EP400: variants seen among roughly 807,000 people sequenced by gnomAD.
The protein encoded by EP400 is E1A binding protein p400, also known as E1A-binding protein p400.
A neutral mutation model predicts 354.1 loss-of-function variants in EP400; 105 were observed. That is an observed-to-expected ratio of 0.30 (90% confidence interval 0.25 to 0.35). EP400 has a LOEUF of 0.35. Among genes scored for constraint, EP400 ranks in the 10% least tolerant of loss-of-function variants. The pLI, the probability that EP400 is intolerant of heterozygous loss-of-function variation, is 1.00. For missense variants in EP400, 3,280 were observed against 4,121.0 expected (o/e 0.80, Z 5.59); for synonymous variants, 1,646 against 1,716.9 (o/e 0.96, Z 1.02).
At chr12:132,045,010 G>T (rs923257882) in intron 37 of EP400, 57 bp downstream of exon 37, 91 of 1,596,832 alleles carry the variant, frequency 5.7e-5, no homozygotes, top group Non-Finnish European at 7.2e-5. Context: ...CAGAATCCCT[G>T]CATGTCAGCC....
At chr12:132,069,232 G>T (rs1895994918) in intron 50 of EP400, 1 of 445,730 alleles carries the variant, frequency 2.2e-6, no homozygotes, top group Non-Finnish European at 4.0e-6. Flanking sequence ...TCAGGGAGCA[G>T]TGTCCCGGGT....
chr12:132,023,335 T>C (rs1894188279), intron 23 of EP400, among the ~76,000 whole-genome samples: 1 of 143,384 alleles, frequency 7.0e-6, no homozygotes, highest in South Asian at 2.3e-4. Context: ...TTTGCATTTC[T>C]AGTAGAGATG....
chr12:131,959,918 C>T (rs545070667), intron 1 of EP400, among the ~76,000 whole-genome samples: 1 of 152,320 alleles, frequency 6.6e-6, no homozygotes, highest in Non-Finnish European at 1.5e-5. Context: ...GGCTCTGTGT[C>T]TTTGAATTGG....
At chr12:132,009,532 C>T (rs546527830) in intron 15 of EP400, among the ~76,000 whole-genome samples, 18 of 152,176 alleles carry the variant, frequency 1.2e-4, no homozygotes, top group African/African-American at 4.1e-4. Flanking sequence ...GGAACAGCAC[C>T]GAGGCCAGTG....
chr12:131,976,810 C>A (rs937565832), intron 2 of EP400, among the ~76,000 whole-genome samples: 4 of 152,172 alleles, frequency 2.6e-5, no homozygotes, highest in Non-Finnish European at 4.4e-5. Flanking sequence ...AGTACTTGGG[C>A]CTTCTCTTGG....
Position 132,029,680 on chromosome 12 carries a change from A to T in EP400, c.5382-21A>T, listed in dbSNP as rs763803612. On this transcript the variant is annotated intron_variant, in intron 27 of 52. Transcript: ENST00000389561. This position sits in a 1 kb window ranked among gnomAD's most constrained non-coding sequence, Gnocchi z 4.7. ...GGTGTGTGGCTCCTGGTGGTGACAA[A>T]ACATGCTTTCTGCTCCTCAGGGTGG... 21 of 1,607,284 alleles carry T rather than the reference A, an allele frequency of 1.3e-5. No individual in the cohort carries two copies. The South Asian group carries it at 2.2e-4, about 17-fold the overall frequency.
intron 1 of EP400, among the ~76,000 whole-genome samples, chr12:131,951,540 C>A (rs1432899001): frequency 6.6e-6 from 1 of 152,158 alleles, no homozygotes; most frequent in African/African-American, 2.4e-5. Flanking sequence ...TTCTTTTTTA[C>A]TTATTTGTGT....
intron 5 of EP400, among the ~76,000 whole-genome samples, chr12:131,984,503 G>A (rs1023502918): frequency 2.0e-5 from 3 of 152,154 alleles, no homozygotes; most frequent in Admixed American, 6.5e-5. Flanking sequence ...TGAGAAAGGC[G>A]ACACATGCCA....
rs141116935 is a variant in EP400, at chr12:132,066,939, G to A, written c.8719G>A (p.Val2907Met). The A allele has an allele frequency of 5.6e-6, 9 of 1,605,034 alleles. No homozygotes were observed. The highest frequency in any genetic ancestry group is 4.0e-5 in the African/African-American group (3 of 74,476). ...TLPMNVAGIS[V>M]AIGQPQKAAG... ...GCCCATGAACGTCGCGGGGATCAGC[G>A]TGGCGATCGGTCAGCCACAGAAGGC... Residue 2907 changes from valine to methionine, a missense_variant, in exon 49 of 53, where the codon GTG becomes ATG. Physicochemically the swap from Val to Met is conservative, Grantham distance 21. Around this residue, in one of 20 missense-constraint regions of EP400, gnomAD observed 279 missense variants for 386.7 expected, o/e 0.72. Coordinates refer to ENST00000389561, the MANE Select transcript of EP400 (RefSeq NM_015409.5).
At chr12:132,072,458 G>A (rs776290442) in intron 51 of EP400, among the ~76,000 whole-genome samples, 1 of 152,056 alleles carries the variant, frequency 6.6e-6, no homozygotes, top group African/African-American at 2.4e-5. Context: ...TAATTTCCAG[G>A]TGAGGTTTTC....
In EP400 at chr12:131,982,151, G is replaced by A; in HGVS notation, c.1602G>A (p.Gln534=). The A allele has an allele frequency of 6.3e-7, 1 of 1,593,666 alleles. No individual in the cohort carries two copies. The highest frequency in any genetic ancestry group is 8.6e-7 in the Non-Finnish European group (1 of 1,165,850). Residue 534 remains glutamine (Q), a synonymous_variant, in exon 5 of 53, where the codon CAG becomes CAA. Transcript: ENST00000389561. ...TCGCTGGACAGAGGCAGAGTCAGCA[G>A]CAGTATGACCCCTCCACGGGGCCTC... ...AQLAGQRQSQ[Q]QYDPSTGPPV...
intron 7 of EP400, 73 bp downstream of exon 7, chr12:131,987,963 T>TG: frequency 1.0e-6 from 1 of 978,888 alleles, no homozygotes; most frequent in Non-Finnish European, 1.4e-6. Context: ...GTGTAAGTGG[T>TG]GGGGAGGTCT....
At chr12:132,047,013 T>C (rs1895120722) in intron 39 of EP400, among the ~76,000 whole-genome samples, 1 of 152,248 alleles carries the variant, frequency 6.6e-6, no homozygotes, top group Non-Finnish European at 1.5e-5. Flanking sequence ...TCCAGTACTT[T>C]TATTGTATTT....
At position 132,069,560 on chromosome 12, in the gene EP400, C is replaced by G; in HGVS notation, c.8940C>G (p.Ala2980=). 1 of 1,614,226 alleles carries G rather than the reference C, an allele frequency of 6.2e-7. No homozygotes were observed. Among genetic ancestry groups the G allele is most frequent in the Non-Finnish European group, 8.5e-7 (1 of 1,180,024 alleles). ...AGGTTGCCTACGCCGCGCAGCCGGC[C>G]CTTAAGACCCAGTTTCTTACCACAC... The part of the protein sequence containing the change: ...QQKVAYAAQP[A]LKTQFLTTPI... Residue 2980 remains alanine (A), a synonymous_variant, in exon 51 of 53, where the codon GCC becomes GCG. Coordinates refer to ENST00000389561, the MANE Select transcript of EP400 (RefSeq NM_015409.5).
intron 32 of EP400, 22 bp from the exon 33 acceptor site, chr12:132,043,282 T>C (rs1894976396): frequency 6.3e-7 from 1 of 1,595,876 alleles, no homozygotes; most frequent in Non-Finnish European, 8.5e-7. Context: ...ATCAAGGCAA[T>C]CTAAACATAG....
Position 132,075,787 on chromosome 12 carries a change from A to C in EP400, c.9022-729A>C, listed in dbSNP as rs953934146. 1 of 152,638 alleles carries C rather than the reference A, an allele frequency of 6.6e-6. No homozygotes were observed. The highest frequency in any genetic ancestry group is 1.5e-5 in the Non-Finnish European group (1 of 68,346). The allele number at this position is 152,638 out of a possible 1,614,324, so 9.5% of individuals were successfully genotyped here. On this transcript the variant is annotated intron_variant, in intron 51 of 52. Transcript: ENST00000389561. The surrounding 1 kb of genome is among the most constrained non-coding windows in gnomAD (Gnocchi z 4.5). ...TGTAAGTAACAGGACCCAGCAAGAGACCAGGGTCCGTGAGGGCCTTGTGCA... is the reference window on the plus strand; with the variant it reads ...TGTAAGTAACAGGACCCAGCAAGAGCCCAGGGTCCGTGAGGGCCTTGTGCA...
rs981847392 is a variant in EP400, at chr12:132,052,739, G to A, written c.7395-407G>A. On this transcript the variant is annotated intron_variant, in intron 41 of 52. Transcript: ENST00000389561. This position sits in a 1 kb window ranked among gnomAD's most constrained non-coding sequence, Gnocchi z 4.4. ...CGCGGCGTGGAGCCTGGGCATTCTC[G>A]GGGGAGCGAGAGAGGCACAGTCCCG... 6.6e-6 allele frequency among the ~76,000 whole-genome samples: 1 copy of A among 152,152 alleles called. No homozygotes were observed. The highest frequency in any genetic ancestry group is 2.4e-5 in the African/African-American group (1 of 41,444).
At chr12:132,048,075 G>T (rs543958697) in intron 39 of EP400, among the ~76,000 whole-genome samples, 1 of 152,184 alleles carries the variant, frequency 6.6e-6, no homozygotes, top group Non-Finnish European at 1.5e-5. Context: ...CTGTTATTCT[G>T]TTCTTTTTTT....
At chr12:132,040,578 GTCAGGCAC>G (rs1894867405) in intron 32 of EP400, among the ~76,000 whole-genome samples, 1 of 152,202 alleles carries the variant, frequency 6.6e-6, no homozygotes. Context: ...CTTACTGTGT[GTCAGGCAC>G]TGTTATAAGC....
Sources: gnomAD v4.1 joint callset for allele counts (sites outside exome capture counted in the v4.1 genomes callset) on GRCh38, gnomAD v4.1.1 for gene constraint, gnomAD v4.1.1 regional missense constraint, Gnocchi (gnomAD v3.1) non-coding constraint, MANE v1.5 for transcripts, NCBI Gene and HGNC (gene_info 2026-07-23, HGNC 2026-07-21) for gene names.